The following DNM3 variants were observed in gnomAD, a reference collection of about 807,000 sequenced individuals.
The protein encoded by DNM3 is dynamin 3.
Under a neutral mutation model 101.6 loss-of-function variants are expected in DNM3, and 47 were observed. The observed-to-expected ratio is 0.46, with a 90% CI of 0.37 to 0.59. DNM3 has a LOEUF of 0.59. DNM3 is among the 20% of genes least tolerant of loss of function. The pLI is 0.00. For synonymous variants in DNM3, 385 were observed against 387.9 expected, an observed-to-expected ratio of 0.99 and a Z score of 0.09; for missense variants, 849 against 1,085.7, an observed-to-expected ratio of 0.78 and a Z score of 3.06.
chr1:172,259,771 A>C (rs2062565373), intron 15 of DNM3, among the ~76,000 whole-genome samples: 1 of 152,056 alleles, frequency 6.6e-6, no homozygotes. Flanking sequence ...AGGGCTTCTT[A>C]TCATTTTATT....
intron 2 of DNM3, among the ~76,000 whole-genome samples, chr1:171,973,990 GT>G (rs369504102): frequency 4.7e-5 from 7 of 147,798 alleles, no homozygotes; most frequent in Middle Eastern, 3.5e-3. Flanking sequence ...TAGTGTTTTT[GT>G]TTTTTTTTTA....
At chr1:172,301,049 T>C (rs985736069) in intron 15 of DNM3, among the ~76,000 whole-genome samples, 2 of 152,202 alleles carry the variant, frequency 1.3e-5, no homozygotes, top group Admixed American at 1.3e-4. Flanking sequence ...ATGGGCCTTC[T>C]GAGTTTAGGT....
At chr1:172,063,123 A>T (rs2051374783) in intron 10 of DNM3, among the ~76,000 whole-genome samples, 1 of 152,230 alleles carries the variant, frequency 6.6e-6, no homozygotes, top group Non-Finnish European at 1.5e-5. Flanking sequence ...CAAATCAATC[A>T]AGTCAAGTGA....
chr1:172,020,071 C>G (rs1347159313), intron 4 of DNM3, among the ~76,000 whole-genome samples: 1 of 151,990 alleles, frequency 6.6e-6, no homozygotes, highest in Non-Finnish European at 1.5e-5. Context: ...AGACTGGGTG[C>G]TATATGATGT....
At chr1:172,035,078 T>TA (rs995375577) in intron 6 of DNM3, among the ~76,000 whole-genome samples, 11 of 151,236 alleles carry the variant, frequency 7.3e-5, no homozygotes, top group Middle Eastern at 6.3e-3. Flanking sequence ...CAGTGGAGAG[T>TA]AAAAAAAGGG....
intron 14 of DNM3, among the ~76,000 whole-genome samples, chr1:172,177,795 C>G (rs552191): frequency 0.24 from 35,782 of 151,682 alleles, 7,012 homozygotes; most frequent in African/African-American, 0.54. Flanking sequence ...AAGACAAACA[C>G]AATCTGAGAG....
At chr1:171,892,828 C>CTGTCTGTTTTGTCACATTCTGCATT (rs1322541437) in intron 1 of DNM3, among the ~76,000 whole-genome samples, 25 of 152,148 alleles carry the variant, frequency 1.6e-4, no homozygotes, top group African/African-American at 6.0e-4. Context: ...GCGCATGCAA[C>CTGTCTGTTTTGTCACATTCTGCATT]CTAGATCCCT....
At chr1:172,251,975 G>T (rs1002432081) in intron 14 of DNM3, among the ~76,000 whole-genome samples, 1 of 152,028 alleles carries the variant, frequency 6.6e-6, no homozygotes, top group Non-Finnish European at 1.5e-5. Flanking sequence ...CTCAACTATG[G>T]TATCTCATTT....
chr1:172,295,118 T>TG (rs1313668400), intron 15 of DNM3, among the ~76,000 whole-genome samples: 1 of 152,120 alleles, frequency 6.6e-6, no homozygotes, highest in Non-Finnish European at 1.5e-5. Context: ...TGCTTTGCCC[T>TG]GATTAAGAAA....
chr1:172,089,952 A>G (rs1215934363), intron 12 of DNM3, among the ~76,000 whole-genome samples: 4 of 152,230 alleles, frequency 2.6e-5, no homozygotes, highest in Admixed American at 2.0e-4. Context: ...ACACATATAC[A>G]CATTTTATAG....
At chr1:172,327,721 G>T (rs2065996247) in intron 17 of DNM3, among the ~76,000 whole-genome samples, 1 of 151,988 alleles carries the variant, frequency 6.6e-6, no homozygotes, top group South Asian at 2.1e-4. Flanking sequence ...TGGGGTCTAA[G>T]GAACACCGTC....
At chr1:172,073,217 G>A (rs2052350870) in intron 11 of DNM3, among the ~76,000 whole-genome samples, 1 of 151,548 alleles carries the variant, frequency 6.6e-6, no homozygotes, top group African/African-American at 2.4e-5. Flanking sequence ...ATATATGTAT[G>A]TATGTATATA....
intron 15 of DNM3, among the ~76,000 whole-genome samples, chr1:172,284,857 A>G (rs114157640): frequency 0.013 from 1,906 of 152,286 alleles, 43 homozygotes; most frequent in African/African-American, 0.043. Context: ...CACAAATAGA[A>G]GGGAGTTATG....
chr1:171,841,958 G>C, intron 1 of DNM3, 141 bp downstream of exon 1: 3 of 346,536 alleles, frequency 8.7e-6, no homozygotes, highest in Non-Finnish European at 1.5e-5. Flanking sequence ...GGAATGGGGG[G>C]CAGAGTGGCG....
At chr1:172,063,525 T>G (rs1421690130) in intron 10 of DNM3, among the ~76,000 whole-genome samples, 2 of 152,134 alleles carry the variant, frequency 1.3e-5, no homozygotes, top group African/African-American at 4.8e-5. Context: ...CATGTATAAT[T>G]AAAATATTCT....
chr1:172,120,464 A>G (rs1339324471), intron 13 of DNM3, among the ~76,000 whole-genome samples: 1 of 152,174 alleles, frequency 6.6e-6, no homozygotes, highest in Non-Finnish European at 1.5e-5. Context: ...TCATATTGTT[A>G]CCCTACTTTA....
chr1:172,003,570 A>G (rs2046483119), intron 4 of DNM3, among the ~76,000 whole-genome samples: 1 of 143,052 alleles, frequency 7.0e-6, no homozygotes, highest in South Asian at 2.2e-4. Flanking sequence ...TTTTTCCTCT[A>G]TTTCTTCCCC....
intron 14 of DNM3, among the ~76,000 whole-genome samples, chr1:172,131,621 G>A (rs1259727658): frequency 6.6e-6 from 1 of 152,158 alleles, no homozygotes; most frequent in Non-Finnish European, 1.5e-5. Flanking sequence ...GTTAAAGAAA[G>A]TGTTGAAGGA....
At chr1:172,135,558 C>A (rs904028892) in intron 14 of DNM3, among the ~76,000 whole-genome samples, 7 of 151,546 alleles carry the variant, frequency 4.6e-5, no homozygotes, top group African/African-American at 1.7e-4. Flanking sequence ...TATGTGACTT[C>A]CTGGATTGAA....
Sources: allele counts gnomAD v4.1 joint callset (sites outside exome capture counted in the v4.1 genomes callset), GRCh38; gene constraint gnomAD v4.1.1; transcripts MANE v1.5; gene names NCBI Gene and HGNC (gene_info 2026-07-23, HGNC 2026-07-21).